Variants in THAP9 observed in about 807,000 individuals in gnomAD.
THAP9 encodes DNA transposase THAP9.
In THAP9, 20 loss-of-function variants were observed where a neutral mutation model predicts 35.7. The observed-to-expected ratio is 0.56, with a 90% CI of 0.39 to 0.81. The LOEUF (loss-of-function observed/expected upper bound fraction) is 0.81. THAP9 is among the 40% of genes least tolerant of loss of function. The pLI is 0.00. For missense variants in THAP9, 870 were observed against 1,047.4 expected (o/e 0.83, Z 2.34); for synonymous variants, 335 against 373.7 (o/e 0.90, Z 1.19).
rs986653764 is a variant in THAP9 at position 82,906,565 on chromosome 4, C to T, written c.518C>T (p.Ala173Val). 10 of 1,612,470 alleles carry T rather than the reference C, an allele frequency of 6.2e-6. No homozygotes were observed. The Admixed American group carries it at 1.2e-4, about 19-fold the overall frequency. ...AGAAAGGGTTTACGATTAATTGATG[C>T]ACTTGTAGAAGAGAAACTACTTTCT... is the stretch of plus-strand genomic sequence containing the variant. ...KKRKGLRLIDALVEEKLLSEE... is the reference protein window; with the variant it reads ...KKRKGLRLIDVLVEEKLLSEE... The change falls in exon 3 of 5, where the codon GCA becomes GTA. Residue 173 changes from alanine (A) to valine (V), a missense_variant. Around this residue, in one of 3 missense-constraint regions of THAP9, gnomAD observed 440 missense variants for 501.2 expected, o/e 0.88. Transcript: ENST00000302236.
intron 4 of THAP9, chr4:82,910,108 T>A (rs1315242623): frequency 6.6e-6 from 1 of 152,178 alleles, no homozygotes; most frequent in Non-Finnish European, 1.5e-5. Flanking sequence ...CCCATAGTTC[T>A]GCGTCAACTC....
chr4:82,916,518 C>T (rs974295862), intron 4 of THAP9, among the ~76,000 whole-genome samples: 7 of 152,184 alleles, frequency 4.6e-5, no homozygotes, highest in Non-Finnish European at 8.8e-5. Context: ...GTCGCTTAAC[C>T]TCTCCCTCTG....
At chr4:82,910,600 C>T in intron 4 of THAP9, 1 of 348,352 alleles carries the variant, frequency 2.9e-6, no homozygotes, top group Non-Finnish European at 4.6e-6. Context: ...ATTTATTTTC[C>T]CATATAAAAA....
Position 82,906,332 on chromosome 4 carries a change from A to G in THAP9, c.285A>G (p.Gln95=), listed in dbSNP as rs986434017. The G allele has an allele frequency of 4.4e-6, 7 of 1,580,664 alleles. No homozygotes were observed. Among genetic ancestry groups the G allele is most frequent in the Admixed American group, 1.9e-5 (1 of 53,224 alleles). The change falls in exon 3 of 5, where the codon CAA becomes CAG. Residue 95 remains glutamine (Q), a synonymous_variant. Coordinates refer to ENST00000302236, the MANE Select transcript of THAP9 (RefSeq NM_024672.6). ...VPSVSLYKIP[Q]GVHLKGKARQ... ...TTATATATCTGTCATAGATTCCTCAAGGTGTACATCTTAAAGGTAAAGCAA... is the reference window on the plus strand; with the variant it reads ...TTATATATCTGTCATAGATTCCTCAGGGTGTACATCTTAAAGGTAAAGCAA...
At chr4:82,913,782 T>C (rs1282410764) in intron 4 of THAP9, among the ~76,000 whole-genome samples, 2 of 151,362 alleles carry the variant, frequency 1.3e-5, no homozygotes, top group African/African-American at 4.9e-5. Flanking sequence ...CATACTGGAG[T>C]GTAGAATGTA....
chr4:82,918,976 T>C lies in THAP9; in HGVS notation c.*52T>C, dbSNP rs1415280519. 1.4e-6 allele frequency: 2 copies of C among 1,400,340 alleles called. No individual in the cohort carries two copies. Among genetic ancestry groups the C allele is most frequent in the Admixed American group, 4.5e-5 (2 of 44,020 alleles). The allele number at this position is 1,400,340 out of a possible 1,614,324, so 86.7% of individuals were successfully genotyped here. A position where few individuals can be genotyped will look rare whatever the true frequency, so the allele number is the denominator to read the frequency against. On this transcript the variant is annotated 3_prime_UTR_variant, in exon 5 of 5. Coordinates refer to ENST00000302236, the MANE Select transcript of THAP9 (RefSeq NM_024672.6). Reference sequence around the variant, plus strand: ...ATTAAGAATACTTGATCAACATTTTTTGAAGTTCAATTTACCATATTTTAT... The same window carrying C: ...ATTAAGAATACTTGATCAACATTTTCTGAAGTTCAATTTACCATATTTTAT...
Position 82,907,874 on chromosome 4 carries a change from A to G in THAP9, c.670A>G (p.Ser224Gly), listed in dbSNP as rs1720713430. ...QFACTLYLCS[S>G]KVYDYVRKIL... is the part of the protein sequence containing the mutation. ...TGCATGTACACTCTACTTGTGCAGTAGCAAAGTCTATGATTATGTAAGAAA... is the reference window on the plus strand; with the variant it reads ...TGCATGTACACTCTACTTGTGCAGTGGCAAAGTCTATGATTATGTAAGAAA... Residue 224 changes from serine (S) to glycine (G), a missense_variant, in exon 4 of 5, where the codon AGC becomes GGC. Ser to Gly is a moderately conservative substitution (Grantham distance 56, BLOSUM62 0). Transcript: ENST00000302236. 3 of 1,612,174 alleles carry G rather than the reference A, an allele frequency of 1.9e-6. No individual in the cohort carries two copies. Among genetic ancestry groups the G allele is most frequent in the Non-Finnish European group, 2.5e-6 (3 of 1,179,126 alleles).
At chr4:82,906,284 T>C (rs534281757) in intron 2 of THAP9, 40 bp from the exon 3 acceptor site, 1 of 1,466,156 alleles carries the variant, frequency 6.8e-7, no homozygotes, top group African/African-American at 1.4e-5. Context: ...TTCTATGTGA[T>C]TATTTCTAAA....
chr4:82,902,656 G>A (rs4298131), intron 1 of THAP9, among the ~76,000 whole-genome samples: 1 of 152,192 alleles, frequency 6.6e-6, no homozygotes, highest in South Asian at 2.1e-4. Context: ...TGTTCCATGA[G>A]TTAGAAAAGA....
chr4:82,916,228 A>G (rs1461936211), intron 4 of THAP9, among the ~76,000 whole-genome samples: 1 of 152,244 alleles, frequency 6.6e-6, no homozygotes, highest in African/African-American at 2.4e-5. Flanking sequence ...CCTGATCTAT[A>G]ACAAGTTAGA....
chr4:82,910,881 C>G, intron 4 of THAP9: 1 of 280,030 alleles, frequency 3.6e-6, no homozygotes, highest in Non-Finnish European at 7.7e-6. Context: ...ATGACAAAAG[C>G]AGTTATAGTA....
intron 4 of THAP9, among the ~76,000 whole-genome samples, chr4:82,916,033 C>G (rs1381210884): frequency 6.6e-6 from 1 of 152,126 alleles, no homozygotes; most frequent in South Asian, 2.1e-4. Context: ...ACATTAAACT[C>G]TCAATTAAGT....
At chr4:82,910,551 TTAATA>T in intron 4 of THAP9, 1 of 190,780 alleles carries the variant, frequency 5.2e-6, no homozygotes, top group Non-Finnish European at 9.9e-6. Context: ...TTATATTATA[TTAATA>T]TAAGATTCTT....
chr4:82,902,875 TTAC>T (rs1720483642), intron 1 of THAP9, among the ~76,000 whole-genome samples: 1 of 152,228 alleles, frequency 6.6e-6, no homozygotes, highest in Non-Finnish European at 1.5e-5. Flanking sequence ...TCATACACTC[TTAC>T]TACAGCCCTG....
intron 4 of THAP9, 139 bp downstream of exon 4, chr4:82,908,074 T>A: frequency 2.4e-6 from 2 of 823,544 alleles, no homozygotes; most frequent in Non-Finnish European, 1.8e-6. Flanking sequence ...TTAGTACTCA[T>A]ACTCCCATTT....
At position 82,917,830 on chromosome 4, in the gene THAP9, T is replaced by TA. The variant is rs773040905; in HGVS notation, c.1619dup (p.Tyr540Ter). The change falls in exon 5 of 5, where the codon TAC becomes TAAC. Residue 540 changes from tyrosine to a stop codon, truncating the protein, a stop_gained and frameshift_variant. Coordinates refer to ENST00000302236, the MANE Select transcript of THAP9 (RefSeq NM_024672.6). LOFTEE classifies it high-confidence loss of function. ...GLKGPLLPET[Y>*]SKINHVLIEA... ...TAAAGGGCCTCTGTTGCCTGAAACTTACAGTAAAATAAACCACGTGTTAAT... is the reference window on the plus strand; with the variant it reads ...TAAAGGGCCTCTGTTGCCTGAAACTTAACAGTAAAATAAACCACGTGTTAAT... 2 of 1,613,488 alleles carry TA rather than the reference T, an allele frequency of 1.2e-6. No individual in the cohort carries two copies. The highest frequency in any genetic ancestry group is 3.3e-5 in the Admixed American group (2 of 59,952).
At position 82,919,017 on chromosome 4, in the gene THAP9, C is replaced by T. The variant is rs190442775; in HGVS notation, c.*93C>T. On this transcript the variant is annotated 3_prime_UTR_variant, in exon 5 of 5. Transcript: ENST00000302236. ...CATATTTTATAAATTGCGCATTCTG[C>T]ACAGTGGACAAGTTTGCAATTCTGA... 5.8e-6 allele frequency: 6 copies of T among 1,034,862 alleles called. No homozygotes were observed. The African/African-American group carries it at 9.7e-5, about 17-fold the overall frequency. The allele number at this position is 1,034,862 out of a possible 1,614,324, so 64.1% of individuals were successfully genotyped here.
chr4:82,905,314 A>G (rs1218770134), intron 2 of THAP9, among the ~76,000 whole-genome samples: 1 of 152,174 alleles, frequency 6.6e-6, no homozygotes, highest in African/African-American at 2.4e-5. Context: ...TCAAAAATAT[A>G]CCTAATTATT....
chr4:82,905,699 A>G (rs575784156), intron 2 of THAP9, among the ~76,000 whole-genome samples: 36 of 152,206 alleles, frequency 2.4e-4, no homozygotes, highest in Non-Finnish European at 4.6e-4. Context: ...TATACTTACT[A>G]TATATGTGAT....
Sources: gnomAD v4.1 joint callset for allele counts (sites outside exome capture counted in the v4.1 genomes callset) on GRCh38, gnomAD v4.1.1 for gene constraint, gnomAD v4.1.1 regional missense constraint, MANE v1.5 for transcripts, NCBI Gene and HGNC (gene_info 2026-07-23, HGNC 2026-07-21) for gene names.